Variants in EXOC4 observed in about 807,000 individuals in gnomAD.
The protein encoded by EXOC4 is exocyst complex component 4.
A neutral mutation model predicts 107.2 loss-of-function variants in EXOC4; 71 were observed. That is an observed-to-expected ratio of 0.66 (90% CI 0.55 to 0.81). The LOEUF (loss-of-function observed/expected upper bound fraction) is 0.81, where lower values mean the gene tolerates loss of function less well. Ranked by LOEUF, EXOC4 falls within the 30% of genes least tolerant of loss-of-function variation. EXOC4 has a pLI of 0.00. For synonymous variants in EXOC4, 456 were observed against 441.2 expected, an observed-to-expected ratio of 1.03 and a Z score of -0.42; for missense variants, 1,108 against 1,189.6, an observed-to-expected ratio of 0.93 and a Z score of 1.01.
rs552577225 is a variant in EXOC4 at position 133,690,007 on chromosome 7, G to A, written c.1514+59866G>A. Among the ~76,000 whole-genome samples the A allele has an allele frequency of 2.6e-5, 4 of 152,310 alleles. No individual in the cohort carries two copies. In the South Asian group the frequency reaches 8.3e-4, roughly 32 times the overall value. ...CAAAAATTGGATTGGTCATTTCAAA[G>A]CTCTTTTTTTAATGAAAGTTAAAGC... On this transcript the variant is annotated intron_variant, in intron 10 of 17. Coordinates refer to ENST00000253861, the MANE Select transcript of EXOC4 (RefSeq NM_021807.4).
intron 9 of EXOC4, among the ~76,000 whole-genome samples, chr7:133,483,755 C>A (rs1799210021): frequency 6.6e-6 from 1 of 152,170 alleles, no homozygotes; most frequent in African/African-American, 2.4e-5. Context: ...GGAAAAGTTT[C>A]TCTGATGAAT....
intron 1 of EXOC4, among the ~76,000 whole-genome samples, chr7:133,255,190 T>TCTTTTC (rs57430962): frequency 1.3e-5 from 2 of 151,638 alleles, no homozygotes; most frequent in Admixed American, 6.6e-5. Flanking sequence ...TCTTTTCTTT[T>TCTTTTC]TTTTTGAGAC....
Position 133,918,594 on chromosome 7 carries a change from GTCTT to G in EXOC4, c.2027+862_2027+865del, listed in dbSNP as rs1408012027. 4.6e-5 allele frequency among the ~76,000 whole-genome samples: 7 copies of G among 152,286 alleles called. 1 individual carries two copies. The South Asian group carries it at 1.2e-3, about 27-fold the overall frequency. On this transcript the variant is annotated intron_variant, in intron 13 of 17. Transcript: ENST00000253861. ...TTTTCTATGTTTCAACAAAAGTAGAGTCTTTCTTTTAACTTTATCACTCAACATT... is the reference window on the plus strand; with the variant it reads ...TTTTCTATGTTTCAACAAAAGTAGAGTCTTTTAACTTTATCACTCAACATT...
At chr7:133,745,911 G>C (rs549934024) in intron 10 of EXOC4, among the ~76,000 whole-genome samples, 1 of 151,990 alleles carries the variant, frequency 6.6e-6, no homozygotes, top group Non-Finnish European at 1.5e-5. Flanking sequence ...CAATAAGTAC[G>C]TGTTAAGTGA....
chr7:133,548,058 A>G (rs1186149242), intron 9 of EXOC4, among the ~76,000 whole-genome samples: 1 of 151,964 alleles, frequency 6.6e-6, no homozygotes, highest in Non-Finnish European at 1.5e-5. Flanking sequence ...AAGAATCCAA[A>G]TGACTCCTTG....
intron 11 of EXOC4, among the ~76,000 whole-genome samples, chr7:133,853,427 C>T (rs1328523391): frequency 6.7e-6 from 1 of 150,370 alleles, no homozygotes; most frequent in Non-Finnish European, 1.5e-5. Flanking sequence ...GAGAGGGTCT[C>T]ATTATGTTGC....
chr7:134,051,954 C>G (rs530419147), intron 17 of EXOC4, among the ~76,000 whole-genome samples: 71 of 152,082 alleles, frequency 4.7e-4, no homozygotes, highest in African/African-American at 1.7e-3. Context: ...CCACTGCACT[C>G]CAGCCTGGGC....
At position 133,475,457 on chromosome 7, in the gene EXOC4, A is replaced by G. The variant is rs1299159007; in HGVS notation, c.1312A>G (p.Lys438Glu). 2 of 1,614,010 alleles carry G rather than the reference A, an allele frequency of 1.2e-6. No homozygotes were observed. The highest frequency in any genetic ancestry group is 2.2e-5 in the South Asian group (2 of 91,052). The change falls in exon 8 of 18, where the codon AAA becomes GAA. Residue 438 changes from lysine to glutamate, a missense_variant. Transcript: ENST00000253861. ...TGCCAAGAAGAAACCTCAAAGGCCA[A>G]AAAATTCTCTTTTCAAGTAAGTATT... ...FFAKKKPQRP[K>E]NSLFKFESSS...
intron 9 of EXOC4, among the ~76,000 whole-genome samples, chr7:133,484,949 G>A (rs997667515): frequency 9.0e-4 from 136 of 151,316 alleles, no homozygotes; most frequent in African/African-American, 1.4e-3. Flanking sequence ...GCGTGGTGGC[G>A]GACACCTGTA....
chr7:133,343,305 C>T (rs1330784598), intron 5 of EXOC4, among the ~76,000 whole-genome samples: 1 of 152,034 alleles, frequency 6.6e-6, no homozygotes, highest in Non-Finnish European at 1.5e-5. Flanking sequence ...CTGGGTCTGG[C>T]CACCCAGCAG....
chr7:133,570,610 AGAAG>A, intron 9 of EXOC4, among the ~76,000 whole-genome samples: 1 of 152,336 alleles, frequency 6.6e-6, no homozygotes, highest in East Asian at 1.9e-4. Context: ...GCACACTTTG[AGAAG>A]GCTAGACCAT....
In EXOC4 at chr7:133,657,366, C is replaced by T. The variant is rs80030045; in HGVS notation, c.1514+27225C>T. 4.7e-3 allele frequency among the ~76,000 whole-genome samples: 720 copies of T among 152,176 alleles called. 2 individuals are homozygous for T. Among genetic ancestry groups the T allele is most frequent in the East Asian group, 0.023 (121 of 5,180 alleles). On this transcript the variant is annotated intron_variant, in intron 10 of 17. Transcript: ENST00000253861. ...TTTTAGCATGGATGTTAAACACCAT[C>T]AACAGTTCTGTATTAGTTCTATCCC...
At chr7:133,835,626 G>A (rs1797903425) in intron 11 of EXOC4, among the ~76,000 whole-genome samples, 1 of 152,156 alleles carries the variant, frequency 6.6e-6, no homozygotes, top group African/African-American at 2.4e-5. Flanking sequence ...TAGTGAATTG[G>A]GGGTCCCAAG....
At chr7:133,481,378 A>G (rs1363259821) in intron 9 of EXOC4, among the ~76,000 whole-genome samples, 20 of 73,216 alleles carry the variant, frequency 2.7e-4, no homozygotes, top group African/African-American at 1.1e-4. Flanking sequence ...GAGGGATGGG[A>G]ACGAATACTT....
At chr7:133,641,280 A>T (rs1802848342) in intron 10 of EXOC4, among the ~76,000 whole-genome samples, 1 of 152,174 alleles carries the variant, frequency 6.6e-6, no homozygotes, top group Non-Finnish European at 1.5e-5. Context: ...TGAGCAAATG[A>T]ATTGAAGGTA....
At chr7:133,559,543 C>T (rs764521797) in intron 9 of EXOC4, among the ~76,000 whole-genome samples, 2 of 152,100 alleles carry the variant, frequency 1.3e-5, no homozygotes, top group Non-Finnish European at 2.9e-5. Context: ...ATTCCAAATG[C>T]GTAATTAGAA....
intron 10 of EXOC4, among the ~76,000 whole-genome samples, chr7:133,747,631 G>A (rs572794289): frequency 6.6e-6 from 1 of 152,148 alleles, no homozygotes; most frequent in Non-Finnish European, 1.5e-5. Flanking sequence ...GTACATTGAA[G>A]TGTATGTTGG....
intron 9 of EXOC4, among the ~76,000 whole-genome samples, chr7:133,553,511 T>A (rs1192385211): frequency 6.6e-6 from 1 of 152,210 alleles, no homozygotes; most frequent in African/African-American, 2.4e-5. Flanking sequence ...GAGCTCTTTA[T>A]GCTTGCCACC....
intron 10 of EXOC4, among the ~76,000 whole-genome samples, chr7:133,734,846 A>G (rs1424967379): frequency 6.6e-6 from 1 of 151,998 alleles, no homozygotes; most frequent in African/African-American, 2.4e-5. Context: ...CTCAACCTGT[A>G]TCGGTTTCAT....
Sources: gnomAD v4.1 joint callset for allele counts (sites outside exome capture counted in the v4.1 genomes callset) on GRCh38, gnomAD v4.1.1 for gene constraint, MANE v1.5 for transcripts, NCBI Gene and HGNC (gene_info 2026-07-23, HGNC 2026-07-21) for gene names.